The following TMEM150B variants were observed in gnomAD, a reference collection of about 807,000 sequenced individuals.
The protein encoded by TMEM150B is transmembrane protein 150B.
A neutral mutation model predicts 25.2 loss-of-function variants in TMEM150B; 33 were observed. The ratio of observed to expected loss-of-function variants is 1.31; its 90% CI spans 0.99 to 1.75. TMEM150B has a LOEUF of 1.75. TMEM150B is among the 40% of genes most tolerant of loss of function. The pLI, the probability that TMEM150B is intolerant of heterozygous loss-of-function variation, is 0.00. For synonymous variants in TMEM150B, 133 were observed against 134.8 expected (o/e 0.99, Z 0.09); for missense variants, 322 against 306.1 (o/e 1.05, Z -0.39).
chr19:55,319,430 C>CTTTTTTTTTTTTTTTTTTT (rs1453085176), intron 6 of TMEM150B: 2 of 89,026 alleles, frequency 2.2e-5, no homozygotes, highest in African/African-American at 8.6e-5. Context: ...TCATCTTCTT[C>CTTTTTTTTTTTTTTTTTTT]TTCTTTTTTT....
chr19:55,313,266 T>C (rs4806660), intron 7 of TMEM150B, among the ~76,000 whole-genome samples: 53,802 of 151,994 alleles, frequency 0.35, 9,926 homozygotes, highest in South Asian at 0.46. Context: ...CATGCTTTCC[T>C]TTGCGTGCAC....
Position 55,320,383 on chromosome 19 carries a change from ATATT to A in TMEM150B, c.196+4_196+7del, listed in dbSNP as rs1273914885. 1 of 1,536,330 alleles carries A rather than the reference ATATT, an allele frequency of 6.5e-7. No individual in the cohort carries two copies. Among genetic ancestry groups the A allele is most frequent in the Admixed American group, 2.1e-5 (1 of 48,314 alleles). ...GAGCACTGAACCAAAGGGCTGGGCA[ATATT>A]TACCCAGAGCAGCTCCCATATTGAG... On this transcript the variant is annotated splice_donor_5th_base_variant and intron_variant, in intron 5 of 7. Coordinates refer to ENST00000326652, the MANE Select transcript of TMEM150B (RefSeq NM_001282011.2).
chr19:55,310,971 G>GT (rs929335675), downstream of TMEM150B, among the ~76,000 whole-genome samples: 3 of 151,870 alleles, frequency 2.0e-5, no homozygotes, highest in Non-Finnish European at 1.5e-5. This position sits in a 1 kb window ranked among gnomAD's most constrained non-coding sequence, Gnocchi z 5.0. Flanking sequence ...TTTTGTTTTT[G>GT]TTTTTTTGAG....
chr19:55,316,292 A>T (rs567863571), intron 7 of TMEM150B, among the ~76,000 whole-genome samples: 1 of 152,256 alleles, frequency 6.6e-6, no homozygotes, highest in East Asian at 1.9e-4. Flanking sequence ...CACCAGCTCC[A>T]TTGCAGAACC....
chr19:55,317,316 G>A (rs964179935), intron 6 of TMEM150B, among the ~76,000 whole-genome samples: 7 of 152,098 alleles, frequency 4.6e-5, no homozygotes, highest in African/African-American at 1.7e-4. Flanking sequence ...TGTGACTCAC[G>A]GATACATAGC....
downstream of TMEM150B, chr19:55,312,432 CT>C (rs1296295657): frequency 4.3e-4 from 77 of 179,428 alleles, no homozygotes; most frequent in Non-Finnish European, 5.8e-4. Flanking sequence ...CCCTCCTCCC[CT>C]GGTCCTCCCC....
At chr19:55,310,796 C>T (rs528066978), downstream of TMEM150B, among the ~76,000 whole-genome samples, 12 of 152,124 alleles carry the variant, frequency 7.9e-5, no homozygotes, top group South Asian at 2.1e-4. The surrounding 1 kb of genome is among the most constrained non-coding windows in gnomAD (Gnocchi z 5.0). Flanking sequence ...ACCCCGTTGC[C>T]GAGGAAAGCT....
downstream of TMEM150B, among the ~76,000 whole-genome samples, chr19:55,311,038 G>A (rs1376972530): frequency 1.3e-5 from 2 of 152,100 alleles, no homozygotes; most frequent in African/African-American, 2.4e-5. Context: ...TCAGCTCACT[G>A]CAACTTCCAC....
At chr19:55,309,625 T>G (rs1419500668), downstream of TMEM150B, among the ~76,000 whole-genome samples, 6 of 152,234 alleles carry the variant, frequency 3.9e-5, no homozygotes, top group East Asian at 1.2e-3. Context: ...CTAAGGACAC[T>G]AATCCCATTC....
intron 7 of TMEM150B, among the ~76,000 whole-genome samples, chr19:55,314,387 A>G (rs35515212): frequency 0.37 from 56,728 of 151,786 alleles, 10,999 homozygotes; most frequent in South Asian, 0.47. Flanking sequence ...CTAATTTTAG[A>G]GAATCCTCAG....
chr19:55,320,200 G>A, intron 5 of TMEM150B, 34 bp from the exon 6 acceptor site: 4 of 1,606,496 alleles, frequency 2.5e-6, no homozygotes, highest in Non-Finnish European at 3.4e-6. Flanking sequence ...GTGGGAGGGA[G>A]ACCCACCAAG....
At chr19:55,315,408 G>T (rs59551167) in intron 7 of TMEM150B, among the ~76,000 whole-genome samples, 2,817 of 151,104 alleles carry the variant, frequency 0.019, 91 homozygotes, top group African/African-American at 0.066. Context: ...AAGGCAGGTG[G>T]ATCATGAGGT....
At chr19:55,311,881 A>G, downstream of TMEM150B, 1 of 1,608,242 alleles carries the variant, frequency 6.2e-7, no homozygotes, top group Non-Finnish European at 8.5e-7. Flanking sequence ...GGGCTGCGGA[A>G]CCCACGAAAA....
At chr19:55,320,205 A>T in intron 5 of TMEM150B, 39 bp from the exon 6 acceptor site, 1 of 1,605,028 alleles carries the variant, frequency 6.2e-7, no homozygotes, top group Non-Finnish European at 8.5e-7. Context: ...AGGGAGACCC[A>T]CCAAGAACTC....
chr19:55,315,220 G>A (rs1182075973), intron 7 of TMEM150B, among the ~76,000 whole-genome samples: 1 of 152,094 alleles, frequency 6.6e-6, no homozygotes, highest in African/African-American at 2.4e-5. Context: ...GGAGGCTGAG[G>A]CACAAGAATT....
intron 6 of TMEM150B, among the ~76,000 whole-genome samples, chr19:55,317,244 G>A (rs949576429): frequency 6.6e-6 from 1 of 152,078 alleles, no homozygotes; most frequent in Non-Finnish European, 1.5e-5. Context: ...TCAAGGCGGG[G>A]GACAGACATT....
intron 2 of TMEM150B, among the ~76,000 whole-genome samples, chr19:55,322,051 CT>C (rs2089220771): frequency 6.6e-6 from 1 of 152,190 alleles, no homozygotes; most frequent in African/African-American, 2.4e-5. Context: ...CCGCCTGACC[CT>C]TTTCCTTCTC....
At chr19:55,312,142 A>C, downstream of TMEM150B, 1 of 658,160 alleles carries the variant, frequency 1.5e-6, no homozygotes, top group Non-Finnish European at 2.5e-6. Flanking sequence ...ATCTGTAAAT[A>C]AGGCCCAAGG....
downstream of TMEM150B, chr19:55,312,165 G>T: frequency 1.7e-6 from 1 of 585,522 alleles, no homozygotes; most frequent in Non-Finnish European, 2.9e-6. Flanking sequence ...CATGTCGGGA[G>T]GGGGGTGGAC....
Sources: allele counts gnomAD v4.1 joint callset (sites outside exome capture counted in the v4.1 genomes callset), GRCh38; gene constraint gnomAD v4.1.1; non-coding constraint Gnocchi (gnomAD v3.1); transcripts MANE v1.5; gene names NCBI Gene and HGNC (gene_info 2026-07-23, HGNC 2026-07-21).